Variants in SEPTIN9 observed in about 807,000 individuals in gnomAD.
SEPTIN9 encodes septin 9.
In SEPTIN9, 13 loss-of-function variants were observed where a neutral mutation model predicts 56.6. The observed-to-expected ratio is 0.23, with a 90% CI of 0.15 to 0.37. The LOEUF is 0.37. SEPTIN9 is among the 10% of genes least tolerant of loss of function. The pLI is 1.00. For synonymous variants in SEPTIN9, 332 were observed against 334.1 expected, an observed-to-expected ratio of 0.99 and a Z score of 0.07; for missense variants, 650 against 823.1, an observed-to-expected ratio of 0.79 and a Z score of 2.57.
At chr17:77,382,174 C>G (rs549586937) in intron 2 of SEPTIN9, among the ~76,000 whole-genome samples, 1 of 152,086 alleles carries the variant, frequency 6.6e-6, no homozygotes, top group Non-Finnish European at 1.5e-5. Context: ...ACTCCAGGCA[C>G]GCACCACCAC....
At chr17:77,348,634 C>G (rs868517554) in intron 2 of SEPTIN9, among the ~76,000 whole-genome samples, 16 of 152,052 alleles carry the variant, frequency 1.1e-4, no homozygotes, top group African/African-American at 3.9e-4. Flanking sequence ...CTTTGTATTG[C>G]TATTTTAGTA....
At chr17:77,292,322 T>A (rs1431947046) in intron 1 of SEPTIN9, among the ~76,000 whole-genome samples, 1 of 152,158 alleles carries the variant, frequency 6.6e-6, no homozygotes, top group African/African-American at 2.4e-5. Context: ...CTATGGCACA[T>A]CCCTGTGTTA....
Position 77,369,200 on chromosome 17 carries a change from C to G in SEPTIN9, c.77-32859C>G, listed in dbSNP as rs2034650299. 6.6e-6 allele frequency among the ~76,000 whole-genome samples: 1 copy of G among 152,138 alleles called. No homozygotes were observed. Among genetic ancestry groups the G allele is most frequent in the Admixed American group, 6.5e-5 (1 of 15,268 alleles). ...AGTGAGCCAGGATTGCCCCACTGCACTCCAGACCGGGTGACAGAGTGAGAC... is the reference window on the plus strand; with the variant it reads ...AGTGAGCCAGGATTGCCCCACTGCAGTCCAGACCGGGTGACAGAGTGAGAC... On this transcript the variant is annotated intron_variant, in intron 2 of 11. Transcript: ENST00000427177. The surrounding 1 kb of genome is among the most constrained non-coding windows in gnomAD (Gnocchi z 4.9).
rs2036852978 is a variant in SEPTIN9 at position 77,425,095 on chromosome 17, C to G, written c.721+22392C>G. On this transcript the variant is annotated intron_variant, in intron 3 of 11. Transcript: ENST00000427177. The surrounding 1 kb of genome is among the most constrained non-coding windows in gnomAD (Gnocchi z 4.2). ...GCAGGCGGCCAAAGTGAGCTCTGCT[C>G]CAGTCCCCCCACCCCCGGGGCTGTT... 6.6e-6 allele frequency among the ~76,000 whole-genome samples: 1 copy of G among 152,208 alleles called. No homozygotes were observed. The highest frequency in any genetic ancestry group is 6.5e-5 in the Admixed American group (1 of 15,290).
chr17:77,427,575 A>G (rs985316504), intron 3 of SEPTIN9, among the ~76,000 whole-genome samples: 1 of 152,052 alleles, frequency 6.6e-6, no homozygotes, highest in Non-Finnish European at 1.5e-5. Context: ...TGCCTCATAC[A>G]CTGTATTGAG....
At chr17:77,366,653 C>T (rs554575948) in intron 2 of SEPTIN9, among the ~76,000 whole-genome samples, 42 of 152,296 alleles carry the variant, frequency 2.8e-4, no homozygotes, top group African/African-American at 9.9e-4. Context: ...GCCACTTGCT[C>T]CCAGGGTTCC....
At position 77,449,202 on chromosome 17, in the gene SEPTIN9, A is replaced by G. The variant is rs1302074833; in HGVS notation, c.722-32942A>G. ...GCCGAGAAGGCTCTGGGGCTGCTCT[A>G]CCTGAATGCTGAGTGTGTGCTGAGC... is the stretch of plus-strand genomic sequence containing the variant. On this transcript the variant is annotated intron_variant, in intron 3 of 11. Transcript: ENST00000427177. This position sits in a 1 kb window ranked among gnomAD's most constrained non-coding sequence, Gnocchi z 4.6. Among the ~76,000 whole-genome samples, 1 of 152,106 alleles carries G rather than the reference A, an allele frequency of 6.6e-6. No individual in the cohort carries two copies. The highest frequency in any genetic ancestry group is 2.4e-5 in the African/African-American group (1 of 41,432).
chr17:77,297,046 A>G (rs1167467121), intron 1 of SEPTIN9, among the ~76,000 whole-genome samples: 2 of 152,198 alleles, frequency 1.3e-5, no homozygotes, highest in Admixed American at 6.5e-5. Context: ...AGGCAGATAG[A>G]CAGTTAGAAA....
At chr17:77,481,582 C>G (rs1261732360) in intron 3 of SEPTIN9, among the ~76,000 whole-genome samples, 2 of 152,046 alleles carry the variant, frequency 1.3e-5, no homozygotes, top group African/African-American at 2.4e-5. Flanking sequence ...ATGTGGGAGG[C>G]GGGGACACAC....
At chr17:77,479,346 C>T (rs1251985430) in intron 3 of SEPTIN9, among the ~76,000 whole-genome samples, 1 of 152,222 alleles carries the variant, frequency 6.6e-6, no homozygotes, top group Non-Finnish European at 1.5e-5. Context: ...CTCTGCTTTT[C>T]CCACTTGGGA....
chr17:77,474,744 G>A (rs1474681013), intron 3 of SEPTIN9, among the ~76,000 whole-genome samples: 2 of 152,180 alleles, frequency 1.3e-5, no homozygotes, highest in Admixed American at 6.5e-5. Context: ...CTCGCTTTGC[G>A]ACCCTCATAA....
At chr17:77,444,085 C>T (rs927639529) in intron 3 of SEPTIN9, among the ~76,000 whole-genome samples, 2 of 151,942 alleles carry the variant, frequency 1.3e-5, no homozygotes, top group African/African-American at 4.8e-5. Flanking sequence ...TGACATTTAC[C>T]AGGGGGGATT....
chr17:77,360,750 G>A (rs951440844), intron 2 of SEPTIN9, among the ~76,000 whole-genome samples: 4 of 151,930 alleles, frequency 2.6e-5, no homozygotes, highest in African/African-American at 9.7e-5. Context: ...ATTTTTAGTA[G>A]AGACGGGGTT....
intron 3 of SEPTIN9, among the ~76,000 whole-genome samples, chr17:77,458,125 G>A (rs977647452): frequency 4.6e-5 from 7 of 152,274 alleles, no homozygotes; most frequent in African/African-American, 1.7e-4. Context: ...TTTCCTGCTC[G>A]CCAGGAATGT....
chr17:77,489,992 G>A (rs867788231), intron 7 of SEPTIN9, among the ~76,000 whole-genome samples: 1 of 152,210 alleles, frequency 6.6e-6, no homozygotes, highest in African/African-American at 2.4e-5. Flanking sequence ...GCGGGCGGGC[G>A]GTCTGTGGCA....
Position 77,367,973 on chromosome 17 carries a change from A to C in SEPTIN9, c.77-34086A>C, listed in dbSNP as rs1296342386. 1.3e-5 allele frequency among the ~76,000 whole-genome samples: 2 copies of C among 152,268 alleles called. No individual in the cohort carries two copies. The highest frequency in any genetic ancestry group is 2.9e-5 in the Non-Finnish European group (2 of 68,046). On this transcript the variant is annotated intron_variant, in intron 2 of 11. Transcript: ENST00000427177. This position sits in a 1 kb window ranked among gnomAD's most constrained non-coding sequence, Gnocchi z 4.5. ...ACAAAGTGTGTGTACACACAGTGGA[A>C]TATCATTCAGCCTTCAAAAGGAACG...
In SEPTIN9 at chr17:77,356,530, C is replaced by T. The variant is rs191115651; in HGVS notation, c.77-45529C>T. On this transcript the variant is annotated intron_variant, in intron 2 of 11. Coordinates refer to ENST00000427177, the MANE Select transcript of SEPTIN9 (RefSeq NM_001113491.2). ...GCGACCTTGAAGGTATTCGTGGGAA[C>T]CAAGCGAGGTGATAAATGTAGTGTC... Among the ~76,000 whole-genome samples, 775 of 151,098 alleles carry T rather than the reference C, an allele frequency of 5.1e-3. 6 individuals carry two copies. Among genetic ancestry groups the T allele is most frequent in the Non-Finnish European group, 8.9e-3 (600 of 67,730 alleles).
At chr17:77,458,475 G>A (rs1267200305) in intron 3 of SEPTIN9, among the ~76,000 whole-genome samples, 4 of 152,274 alleles carry the variant, frequency 2.6e-5, no homozygotes, top group South Asian at 4.1e-4. Flanking sequence ...AGTGACTGCC[G>A]GGTCCATTTG....
At chr17:77,390,075 G>T (rs2035480401) in intron 2 of SEPTIN9, among the ~76,000 whole-genome samples, 1 of 152,140 alleles carries the variant, frequency 6.6e-6, no homozygotes, top group African/African-American at 2.4e-5. Context: ...TTGCCCTCTT[G>T]GAGGCTGGGC....
Sources: gnomAD v4.1 joint callset for allele counts (sites outside exome capture counted in the v4.1 genomes callset) on GRCh38, gnomAD v4.1.1 for gene constraint, Gnocchi (gnomAD v3.1) non-coding constraint, MANE v1.5 for transcripts, NCBI Gene and HGNC (gene_info 2026-07-23, HGNC 2026-07-21) for gene names.